The following BEST3 variants were observed in gnomAD, a reference collection of about 807,000 sequenced individuals.
The protein encoded by BEST3 is bestrophin-3.
In BEST3, 50 loss-of-function variants were observed where a neutral mutation model predicts 47.1. That is an observed-to-expected ratio of 1.06 (90% CI 0.85 to 1.34). The LOEUF (loss-of-function observed/expected upper bound fraction) is 1.34, where lower values mean the gene tolerates loss of function less well. BEST3 is among the 40% of genes most tolerant of loss of function. The pLI is 0.00. For synonymous variants in BEST3, 282 were observed against 298.8 expected (o/e 0.94, Z 0.58); for missense variants, 765 against 817.0 (o/e 0.94, Z 0.78).
At chr12:69,675,681 C>T (rs1400870586) in intron 7 of BEST3, among the ~76,000 whole-genome samples, 1 of 152,214 alleles carries the variant, frequency 6.6e-6, no homozygotes, top group Non-Finnish European at 1.5e-5. Flanking sequence ...CTTCTGCTTT[C>T]TTGCTCTTAC....
intron 4 of BEST3, among the ~76,000 whole-genome samples, chr12:69,687,690 GCTT>G (rs1181090345): frequency 1.4e-5 from 2 of 147,954 alleles, no homozygotes; most frequent in Non-Finnish European, 3.0e-5. Context: ...AGACTCCAAG[GCTT>G]TAAGAAAATT....
intron 9 of BEST3, chr12:69,660,464 C>A (rs1883804815): frequency 6.6e-6 from 1 of 152,122 alleles, no homozygotes; most frequent in East Asian, 1.9e-4. Flanking sequence ...TGATAGGGCA[C>A]TGGGTGGGTG....
At chr12:69,695,524 A>G (rs1886099911) in intron 2 of BEST3, among the ~76,000 whole-genome samples, 2 of 152,312 alleles carry the variant, frequency 1.3e-5, no homozygotes, top group South Asian at 4.1e-4. Context: ...GGGAAAGCTG[A>G]CAGGAGAGGT....
In BEST3 at chr12:69,678,847, A is replaced by G. The variant is rs1885076055; in HGVS notation, c.528T>C (p.Ser176=). Residue 176 remains serine (S), a synonymous_variant, in exon 5 of 10, where the codon TCT becomes TCC. Coordinates refer to ENST00000330891, the MANE Select transcript of BEST3 (RefSeq NM_032735.3). ...ATGGAACCCAATATTTCAGATGAGG[A>G]GACTTGAGGTGGTTGAATAATTTCC... ...DERKLFNHLK[S]PHLKYWVPFI... is the part of the protein sequence containing the mutation. 6.2e-7 allele frequency: 1 copy of G among 1,613,998 alleles called. No individual in the cohort carries two copies. Among genetic ancestry groups the G allele is most frequent in the Non-Finnish European group, 8.5e-7 (1 of 1,179,876 alleles).
intron 7 of BEST3, among the ~76,000 whole-genome samples, chr12:69,676,566 G>C (rs1412089623): frequency 1.3e-5 from 2 of 152,106 alleles, no homozygotes; most frequent in African/African-American, 4.8e-5. Context: ...GCTTCTTGTT[G>C]ACTCTTTTAC....
At chr12:69,643,659 A>C in exon 10 of BEST3, 1 of 635,268 alleles carries the variant, frequency 1.6e-6, no homozygotes. Flanking sequence ...TTTAGGAGCC[A>C]AGTTGTTTTG....
rs775973109 is a variant in BEST3 at position 69,655,828 on chromosome 12, GA to G, written c.1101-16del. 9.4e-6 allele frequency: 15 copies of G among 1,592,668 alleles called. No individual in the cohort carries two copies. The African/African-American group carries it at 2.0e-4, about 21-fold the overall frequency. Reference sequence around the variant, plus strand: ...ACCCAGACAGCCTGAAACACACAATGACAAGATCCAGGCAGAGTAGCTTCGG... The same window carrying G: ...ACCCAGACAGCCTGAAACACACAATGCAAGATCCAGGCAGAGTAGCTTCGG... On this transcript the variant is annotated splice_polypyrimidine_tract_variant and intron_variant, in intron 9 of 9. Coordinates refer to ENST00000330891, the MANE Select transcript of BEST3 (RefSeq NM_032735.3).
chr12:69,697,580 A>G, intron 2 of BEST3, 67 bp downstream of exon 2: 1 of 1,321,788 alleles, frequency 7.6e-7, no homozygotes, highest in African/African-American at 1.5e-5. Context: ...CAAAAGGTTC[A>G]GATTTTTGAG....
At chr12:69,665,270 G>C (rs528936172) in intron 9 of BEST3, among the ~76,000 whole-genome samples, 35 of 152,098 alleles carry the variant, frequency 2.3e-4, no homozygotes, top group Middle Eastern at 6.8e-3. Flanking sequence ...AACACCAGAG[G>C]GAGTCTTAAT....
intron 9 of BEST3, among the ~76,000 whole-genome samples, chr12:69,648,581 A>C (rs1356016929): frequency 1.3e-5 from 2 of 152,216 alleles, no homozygotes; most frequent in African/African-American, 4.8e-5. Flanking sequence ...CAGGACCTGC[A>C]GAGAGAGTGG....
In BEST3 at chr12:69,665,561, C is replaced by A. The variant is rs181305856; in HGVS notation, c.1100+5867G>T. Among the ~76,000 whole-genome samples, 373 of 152,112 alleles carry A rather than the reference C, an allele frequency of 2.5e-3. 1 individual carries two copies. Among genetic ancestry groups the A allele is most frequent in the African/African-American group, 8.1e-3 (336 of 41,476 alleles). ...TGAGCTGAGATCATGCCACTGCACT[C>A]CAGCCTGGGTGACAGAGAGAGACCT... On this transcript the variant is annotated intron_variant, in intron 9 of 9. Coordinates refer to ENST00000330891, the MANE Select transcript of BEST3 (RefSeq NM_032735.3).
At chr12:69,692,880 A>AGCCT (rs1885974978) in intron 4 of BEST3, among the ~76,000 whole-genome samples, 1 of 152,166 alleles carries the variant, frequency 6.6e-6, no homozygotes, top group Non-Finnish European at 1.5e-5. Context: ...CTCCTGCCTC[A>AGCCT]GCCTCCCGAG....
In BEST3 at chr12:69,654,192, A is replaced by T; in HGVS notation, c.*715T>A. 1 of 985,312 alleles carries T rather than the reference A, an allele frequency of 1.0e-6. No homozygotes were observed. The highest frequency in any genetic ancestry group is 1.2e-6 in the Non-Finnish European group (1 of 829,814). 61.0% of individuals were successfully genotyped at this position (985,312 alleles called of 1,614,324 possible). ...GCAAGACATAAGCAACAGATTTGGCAAGAGGAAATATTATAACCTGAAAAA... is the reference window on the plus strand; with the variant it reads ...GCAAGACATAAGCAACAGATTTGGCTAGAGGAAATATTATAACCTGAAAAA... On this transcript the variant is annotated 3_prime_UTR_variant, in exon 10 of 10. Transcript: ENST00000330891.
chr12:69,663,770 G>C (rs1460008741), intron 9 of BEST3, among the ~76,000 whole-genome samples: 1 of 152,164 alleles, frequency 6.6e-6, no homozygotes, highest in Non-Finnish European at 1.5e-5. Flanking sequence ...GCAGTGAGCT[G>C]TGATTGCACC....
At position 69,653,910 on chromosome 12, in the gene BEST3, G is replaced by A; in HGVS notation, c.*997C>T. The A allele has an allele frequency of 1.1e-5, 11 of 985,450 alleles. No homozygotes were observed. The highest frequency in any genetic ancestry group is 1.3e-5 in the Non-Finnish European group (11 of 829,932). 61.0% of individuals were successfully genotyped at this position (985,450 alleles called of 1,614,324 possible). ...ATAAGAGTTCAAGTTAAACAGATGT[G>A]AGTCATCTTATTCTTTGGTTCCATA... On this transcript the variant is annotated 3_prime_UTR_variant, in exon 10 of 10. Coordinates refer to ENST00000330891, the MANE Select transcript of BEST3 (RefSeq NM_032735.3).
chr12:69,680,143 C>T (rs1712665435), intron 4 of BEST3, among the ~76,000 whole-genome samples: 1 of 151,890 alleles, frequency 6.6e-6, no homozygotes, highest in Non-Finnish European at 1.5e-5. Flanking sequence ...TTTAATTTTC[C>T]TCTGCCTACT....
intron 5 of BEST3, 43 bp downstream of exon 5, chr12:69,678,696 T>C: frequency 6.3e-7 from 1 of 1,588,456 alleles, no homozygotes; most frequent in Non-Finnish European, 8.6e-7. Flanking sequence ...TCCTTCTTGG[T>C]CTCTAATTAG....
At chr12:69,645,752 G>C (rs1883010713) in intron 9 of BEST3, among the ~76,000 whole-genome samples, 1 of 152,102 alleles carries the variant, frequency 6.6e-6, no homozygotes, top group Non-Finnish European at 1.5e-5. Context: ...ACCGATTGAA[G>C]TGATATATAT....
At chr12:69,689,651 A>C (rs1396243391) in intron 4 of BEST3, among the ~76,000 whole-genome samples, 1 of 152,194 alleles carries the variant, frequency 6.6e-6, no homozygotes, top group Non-Finnish European at 1.5e-5. Context: ...TGATTGTGTC[A>C]CAGGACCCTT....
Sources: allele counts gnomAD v4.1 joint callset (sites outside exome capture counted in the v4.1 genomes callset), GRCh38; gene constraint gnomAD v4.1.1; transcripts MANE v1.5; gene names NCBI Gene and HGNC (gene_info 2026-07-23, HGNC 2026-07-21).